Variants in DMD observed in about 807,000 individuals in gnomAD.
DMD encodes the protein dystrophin.
In DMD, 63 loss-of-function variants were observed where a neutral mutation model predicts 330.1. The observed-to-expected ratio is 0.19, with a 90% CI of 0.16 to 0.24. The LOEUF (loss-of-function observed/expected upper bound fraction) is 0.24, where lower values mean the gene tolerates loss of function less well. Among genes scored for constraint, DMD ranks in the 10% least tolerant of loss-of-function variants. The probability of loss-of-function intolerance (pLI) is 1.00; values close to 1 mark genes in which losing one functional copy is unlikely to be tolerated. For missense variants in DMD, 3,344 were observed against 2,684.1 expected (o/e 1.25, Z -5.43); for synonymous variants, 1,223 against 959.8 (o/e 1.27, Z -5.07).
chrX:32,068,253 ACAC>A (rs2096272899), intron 44 of DMD, among the ~76,000 whole-genome samples: 2 of 111,074 alleles, frequency 1.8e-5, no homozygotes, highest in South Asian at 7.5e-4. Context: ...TCTGGATATT[ACAC>A]CACCGTCAGA....
At chrX:33,255,623 G>C in intron 1 of DMD, among the ~76,000 whole-genome samples, 1 of 110,893 alleles carries the variant, frequency 9.0e-6, no homozygotes, top group Non-Finnish European at 1.9e-5. Flanking sequence ...TAACTGCAAA[G>C]CCTTGGACAA....
intron 44 of DMD, among the ~76,000 whole-genome samples, chrX:32,207,232 T>C (rs761146666): frequency 9.0e-6 from 1 of 110,559 alleles, no homozygotes; most frequent in African/African-American, 3.3e-5. Context: ...GTGGGAGCTT[T>C]AGGAGGTGAT....
At chrX:31,414,479 C>G (rs2061781757) in intron 60 of DMD, among the ~76,000 whole-genome samples, 1 of 111,669 alleles carries the variant, frequency 9.0e-6, no homozygotes, top group South Asian at 3.7e-4. Flanking sequence ...ATCATTTTTC[C>G]TCAAAGAGTA....
intron 59 of DMD, among the ~76,000 whole-genome samples, chrX:31,450,273 C>G (rs2065627345): frequency 1.8e-5 from 2 of 111,784 alleles, no homozygotes; most frequent in African/African-American, 6.5e-5. Context: ...GAAGCCCTCA[C>G]AGAATGCAAT....
chrX:32,719,905 C>G (rs61136601), intron 7 of DMD, among the ~76,000 whole-genome samples: 2 of 109,511 alleles, frequency 1.8e-5, no homozygotes, highest in Non-Finnish European at 3.8e-5. Flanking sequence ...GTTGTTATCC[C>G]AGCTTGCATG....
intron 50 of DMD, among the ~76,000 whole-genome samples, chrX:31,777,733 C>T (rs1004784175): frequency 8.9e-6 from 1 of 111,882 alleles, no homozygotes; most frequent in African/African-American, 3.3e-5. Context: ...GAAAACAGTA[C>T]CAATCTAATG....
intron 42 of DMD, among the ~76,000 whole-genome samples, chrX:32,297,105 T>A (rs747531456): frequency 9.0e-6 from 1 of 110,992 alleles, no homozygotes; most frequent in Non-Finnish European, 1.9e-5. Context: ...CATACAGACC[T>A]AGCCACACTA....
At chrX:31,843,820 C>T (rs775754632) in intron 48 of DMD, among the ~76,000 whole-genome samples, 115 of 65,729 alleles carry the variant, frequency 1.7e-3, no homozygotes, top group African/African-American at 0.01. Flanking sequence ...CCTAGGTTTT[C>T]TTCTGCGATT....
chrX:31,584,179 T>A (rs756200455), intron 55 of DMD, among the ~76,000 whole-genome samples: 1 of 108,922 alleles, frequency 9.2e-6, no homozygotes, highest in Non-Finnish European at 1.9e-5. Flanking sequence ...TTGGGTTGGT[T>A]CCAAGTCTTT....
chrX:31,125,492 G>A (rs2033516798), intron 78 of DMD, among the ~76,000 whole-genome samples: 1 of 111,805 alleles, frequency 8.9e-6, no homozygotes, highest in African/African-American at 3.2e-5. Flanking sequence ...TGTTGCTAAG[G>A]AATCCAGAAT....
intron 47 of DMD, among the ~76,000 whole-genome samples, chrX:31,875,925 C>A (rs1305376096): frequency 8.9e-6 from 1 of 112,379 alleles, no homozygotes; most frequent in African/African-American, 3.2e-5. Flanking sequence ...ATACTTGCTT[C>A]TAGCTTTCTT....
chrX:32,739,178 T>C (rs2068909068), intron 7 of DMD, among the ~76,000 whole-genome samples: 1 of 111,692 alleles, frequency 9.0e-6, no homozygotes, highest in East Asian at 2.8e-4. Flanking sequence ...TTAAGAAATT[T>C]GCACAAGTTT....
intron 48 of DMD, among the ~76,000 whole-genome samples, chrX:31,847,146 T>C (rs1603495504): frequency 8.9e-6 from 1 of 111,924 alleles, no homozygotes; most frequent in Admixed American, 9.5e-5. Context: ...TTTCCCTCTA[T>C]TGAAATGTTT....
At chrX:31,941,293 T>A (rs889895746) in intron 45 of DMD, among the ~76,000 whole-genome samples, 7 of 111,577 alleles carry the variant, frequency 6.3e-5, no homozygotes, top group African/African-American at 2.3e-4. Context: ...CCAGTTCAGT[T>A]TTTCCCTTCG....
At chrX:32,885,827 GAAAA>G (rs35272541) in intron 2 of DMD, among the ~76,000 whole-genome samples, 9 of 64,936 alleles carry the variant, frequency 1.4e-4, no homozygotes, top group Non-Finnish European at 2.0e-4. Flanking sequence ...CCTTGAGGGG[GAAAA>G]AAAAAAAAAA....
At chrX:31,360,982 T>C (rs1477106701) in intron 60 of DMD, among the ~76,000 whole-genome samples, 1 of 111,276 alleles carries the variant, frequency 9.0e-6, no homozygotes, top group East Asian at 2.8e-4. Context: ...GGGCTGGGCA[T>C]GGTGGTGCAA....
intron 2 of DMD, among the ~76,000 whole-genome samples, chrX:32,970,689 T>C (rs1242028969): frequency 1.1e-5 from 1 of 92,563 alleles, no homozygotes; most frequent in African/African-American, 4.9e-5. Flanking sequence ...CGAAATTCAG[T>C]GGATTCTGAA....
intron 44 of DMD, among the ~76,000 whole-genome samples, chrX:32,150,027 T>C (rs1186314725): frequency 8.9e-6 from 1 of 112,042 alleles, no homozygotes; most frequent in Non-Finnish European, 1.9e-5. Flanking sequence ...AATTCCAGGA[T>C]AGATCCATCT....
chrX:31,238,823 T>C (rs904268015), intron 63 of DMD, among the ~76,000 whole-genome samples: 4 of 110,785 alleles, frequency 3.6e-5, no homozygotes, highest in Non-Finnish European at 7.6e-5. Context: ...GAGCAGAGGG[T>C]ATGGGGTGAG....
Sources: gnomAD v4.1 joint callset for allele counts (sites outside exome capture counted in the v4.1 genomes callset) on GRCh38, gnomAD v4.1.1 for gene constraint, MANE v1.5 for transcripts, NCBI Gene and HGNC (gene_info 2026-07-23, HGNC 2026-07-21) for gene names.